NCOA2: variants seen among roughly 807,000 people sequenced by gnomAD.
NCOA2 encodes the protein nuclear receptor coactivator 2.
Under a neutral mutation model 145.1 loss-of-function variants are expected in NCOA2, and 21 were observed. The ratio of observed to expected loss-of-function variants is 0.14; its 90% CI spans 0.10 to 0.21. The LOEUF (loss-of-function observed/expected upper bound fraction) is 0.21, where lower values mean the gene tolerates loss of function less well. Ranked by LOEUF, NCOA2 falls within the 10% of genes least tolerant of loss-of-function variation. The pLI is 1.00. For missense variants in NCOA2, 1,472 were observed against 1,837.6 expected, an observed-to-expected ratio of 0.80 and a Z score of 3.64; for synonymous variants, 619 against 637.5, an observed-to-expected ratio of 0.97 and a Z score of 0.44.
At chr8:70,257,638 C>G (rs1430185455) in intron 2 of NCOA2, among the ~76,000 whole-genome samples, 1 of 152,134 alleles carries the variant, frequency 6.6e-6, no homozygotes, top group Non-Finnish European at 1.5e-5. Context: ...TCGCTACTGC[C>G]AAAACCACCC....
At chr8:70,165,388 T>C (rs574121995) in intron 7 of NCOA2, among the ~76,000 whole-genome samples, 7 of 152,368 alleles carry the variant, frequency 4.6e-5, no homozygotes, top group South Asian at 2.1e-4. Context: ...CTTCACTTGA[T>C]AATAAACTGT....
chr8:70,384,791 C>T (rs1168671358), intron 1 of NCOA2, among the ~76,000 whole-genome samples: 1 of 152,152 alleles, frequency 6.6e-6, no homozygotes, highest in Non-Finnish European at 1.5e-5. Flanking sequence ...CTTCAACCAC[C>T]ATGAAACCAC....
intron 14 of NCOA2, among the ~76,000 whole-genome samples, chr8:70,140,755 C>T (rs1179228499): frequency 1.3e-5 from 2 of 151,824 alleles, no homozygotes; most frequent in African/African-American, 4.8e-5. Context: ...CACCACCACA[C>T]CCAGCTAATT....
At chr8:70,215,570 G>A (rs922466666) in intron 3 of NCOA2, among the ~76,000 whole-genome samples, 4 of 152,170 alleles carry the variant, frequency 2.6e-5, no homozygotes, top group Admixed American at 6.5e-5. Flanking sequence ...AAATACTGGT[G>A]TTTTGCCCTT....
At chr8:70,317,592 A>G (rs959266289) in intron 1 of NCOA2, among the ~76,000 whole-genome samples, 1 of 152,216 alleles carries the variant, frequency 6.6e-6, no homozygotes, top group African/African-American at 2.4e-5. Context: ...AGGTCCCAGA[A>G]GCTACAAAAT....
the NCOA2 span, among the ~76,000 whole-genome samples, chr8:70,431,178 A>T: frequency 3.9e-5 from 6 of 152,112 alleles, no homozygotes; most frequent in African/African-American, 1.4e-4. Flanking sequence ...TGGCTTGTGG[A>T]ATTATGTGTA....
chr8:70,119,121 A>G (rs538798193), intron 22 of NCOA2, among the ~76,000 whole-genome samples: 1 of 152,088 alleles, frequency 6.6e-6, no homozygotes, highest in South Asian at 2.1e-4. Context: ...ATACATTTTT[A>G]ACTATAGTTA....
At position 70,124,868 on chromosome 8, in the gene NCOA2, T is replaced by TAA. The variant is rs765594339; in HGVS notation, c.3917-5_3917-4dup. ...TGGATCAGGTTGCTGACTTATTCCT[T>TAA]AAAAAAAAAAACAGAAACAGAAATC... On this transcript the variant is annotated splice_polypyrimidine_tract_variant and splice_region_variant and intron_variant, in intron 19 of 22. Coordinates refer to ENST00000452400, the MANE Select transcript of NCOA2 (RefSeq NM_006540.4). 885 of 1,275,310 alleles carry TAA rather than the reference T, an allele frequency of 6.9e-4. No individual in the cohort carries two copies. Among genetic ancestry groups the TAA allele is most frequent in the South Asian group, 2.2e-3 (148 of 66,414 alleles). 79.0% of individuals were successfully genotyped at this position (1,275,310 alleles called of 1,614,324 possible). A position where few individuals can be genotyped will look rare whatever the true frequency, so the allele number is the denominator to read the frequency against.
chr8:70,453,091 C>A, the NCOA2 span, among the ~76,000 whole-genome samples: 1 of 152,198 alleles, frequency 6.6e-6, no homozygotes, highest in African/African-American at 2.4e-5. Context: ...CCCAACCTAA[C>A]AAACTTTTAA....
At chr8:70,222,788 G>GA (rs1820269161) in intron 2 of NCOA2, among the ~76,000 whole-genome samples, 1 of 152,174 alleles carries the variant, frequency 6.6e-6, no homozygotes, top group Non-Finnish European at 1.5e-5. Context: ...TAAAGAAGGG[G>GA]AAAACCTCCT....
intron 1 of NCOA2, among the ~76,000 whole-genome samples, chr8:70,321,331 T>G (rs1420874016): frequency 1.3e-5 from 2 of 149,654 alleles, no homozygotes; most frequent in Admixed American, 6.6e-5. Flanking sequence ...ATCACTTTGT[T>G]TTTTTTTTTG....
In NCOA2 at chr8:70,216,671, T is replaced by C. The variant is rs374592586; in HGVS notation, c.75A>G (p.Gln25=). Residue 25 remains glutamine, a synonymous_variant, in exon 3 of 23, where the codon CAA becomes CAG. Transcript: ENST00000452400. ...ETRKRKECPD[Q]LGPSPKRNTE... ...AGCAAGAATCTAACCTGGGTCCAAG[T>C]TGGTCAGGACATTCCTTGCGCTTTC... 2.5e-5 allele frequency: 40 copies of C among 1,612,502 alleles called. No individual in the cohort carries two copies. The highest frequency in any genetic ancestry group is 3.1e-5 in the Non-Finnish European group (36 of 1,178,628).
chr8:70,450,403 G>T, the NCOA2 span, among the ~76,000 whole-genome samples: 6 of 152,068 alleles, frequency 3.9e-5, no homozygotes, highest in Non-Finnish European at 8.8e-5. Flanking sequence ...TACCATCTCT[G>T]AATCAGGAAG....
rs1047120561 is a variant in NCOA2, at chr8:70,111,742, G to T, written c.*1890C>A. The T allele has an allele frequency of 1.5e-4, 31 of 211,490 alleles. No individual in the cohort carries two copies. Among genetic ancestry groups the T allele is most frequent in the African/African-American group, 6.4e-4 (28 of 44,054 alleles). 13.1% of individuals were successfully genotyped at this position (211,490 alleles called of 1,614,324 possible). On this transcript the variant is annotated 3_prime_UTR_variant, in exon 23 of 23. Coordinates refer to ENST00000452400, the MANE Select transcript of NCOA2 (RefSeq NM_006540.4). ...TCCATAATGCGTACATATAGAGAGA[G>T]ATATAAGTATAAATAGGGGTAGTTT...
the NCOA2 span, among the ~76,000 whole-genome samples, chr8:70,452,581 TGG>T: frequency 2.6e-5 from 4 of 152,116 alleles, no homozygotes; most frequent in African/African-American, 9.7e-5. Flanking sequence ...TTAATGTGTG[TGG>T]GGTCTCCTTT....
chr8:70,322,655 G>A (rs1299493598), intron 1 of NCOA2, among the ~76,000 whole-genome samples: 1 of 152,116 alleles, frequency 6.6e-6, no homozygotes, highest in Non-Finnish European at 1.5e-5. Flanking sequence ...GGGCAAGTTA[G>A]TTAACCTCCC....
intron 21 of NCOA2, among the ~76,000 whole-genome samples, chr8:70,122,652 A>G (rs989619175): frequency 1.3e-5 from 2 of 152,244 alleles, no homozygotes; most frequent in Non-Finnish European, 2.9e-5. Flanking sequence ...TACTACAAGC[A>G]CACAACCTTC....
intron 4 of NCOA2, among the ~76,000 whole-genome samples, chr8:70,176,017 A>G (rs1400408405): frequency 1.3e-5 from 2 of 152,178 alleles, no homozygotes; most frequent in African/African-American, 2.4e-5. Flanking sequence ...AGAGGGGAGG[A>G]TGACCTGTGC....
intron 2 of NCOA2, among the ~76,000 whole-genome samples, chr8:70,259,055 G>T (rs922640455): frequency 1.3e-5 from 2 of 152,146 alleles, no homozygotes; most frequent in South Asian, 4.1e-4. Context: ...GCATTTTTAT[G>T]CAGACAGATC....
Sources: allele counts gnomAD v4.1 joint callset (sites outside exome capture counted in the v4.1 genomes callset), GRCh38; gene constraint gnomAD v4.1.1; transcripts MANE v1.5; gene names NCBI Gene and HGNC (gene_info 2026-07-23, HGNC 2026-07-21).